KIAA1755: variants seen among roughly 807,000 people sequenced by gnomAD.
KIAA1755 encodes uncharacterized protein KIAA1755.
A neutral mutation model predicts 91.7 loss-of-function variants in KIAA1755; 68 were observed. The ratio of observed to expected loss-of-function variants is 0.74; its 90% CI spans 0.61 to 0.91. The LOEUF is 0.91. Ranked by LOEUF, KIAA1755 falls within the 40% of genes least tolerant of loss-of-function variation. KIAA1755 has a pLI of 0.00. For missense variants in KIAA1755, 1,535 were observed against 1,494.4 expected (o/e 1.03, Z -0.45); for synonymous variants, 610 against 604.6 (o/e 1.01, Z -0.13).
chr20:38,246,118 T>C lies in KIAA1755; in HGVS notation c.12A>G (p.Pro4=), dbSNP rs2076155993. MDP[P]SLDTAIQHAL... The stretch of plus-strand genomic sequence containing the variant: ...CATGCTGGATGGCTGTGTCGAGGGA[T>C]GGAGGGTCCTGTGGGGGACAGGAGG... Residue 4 remains proline (P), a synonymous_variant, in exon 2 of 14, where the codon CCA becomes CCG. Transcript: ENST00000279024. 5 of 1,612,718 alleles carry C rather than the reference T, an allele frequency of 3.1e-6. No individual in the cohort carries two copies. Among genetic ancestry groups the C allele is most frequent in the Non-Finnish European group, 4.2e-6 (5 of 1,179,724 alleles).
intron 13 of KIAA1755, among the ~76,000 whole-genome samples, chr20:38,215,505 C>CT (rs2075529055): frequency 6.6e-6 from 1 of 152,204 alleles, no homozygotes; most frequent in South Asian, 2.1e-4. Flanking sequence ...ACCAGGACAA[C>CT]TTCAGGTCAA....
chr20:38,215,393 G>A (rs1021064382), intron 13 of KIAA1755, among the ~76,000 whole-genome samples: 5 of 152,164 alleles, frequency 3.3e-5, no homozygotes, highest in Admixed American at 1.3e-4. Flanking sequence ...GGCCGAGCCC[G>A]TGCCAGGCAC....
chr20:38,217,436 G>A lies in KIAA1755; in HGVS notation c.2718C>T (p.Ala906=), dbSNP rs751899880. 8 of 1,612,306 alleles carry A rather than the reference G, an allele frequency of 5.0e-6. No individual in the cohort carries two copies. Among genetic ancestry groups the A allele is most frequent in the African/African-American group, 1.3e-5 (1 of 74,884 alleles). ...YRRGLELSKQ[A]AQLGATARGA... ...CTCTGGCTGTAGCTCCCAGCTGAGC[G>A]GCCTGCTTGGACAGCTCCAGGCCTC... The change falls in exon 13 of 14, where the codon GCC becomes GCT. Residue 906 remains alanine, a synonymous_variant. Transcript: ENST00000279024.
At chr20:38,220,966 A>G (rs1275457945) in intron 10 of KIAA1755, among the ~76,000 whole-genome samples, 1 of 152,224 alleles carries the variant, frequency 6.6e-6, no homozygotes, top group Non-Finnish European at 1.5e-5. Flanking sequence ...TATTTGTGTG[A>G]AGGGAGGAAT....
chr20:38,232,558 G>C (rs1414339069), intron 4 of KIAA1755, among the ~76,000 whole-genome samples: 2 of 151,544 alleles, frequency 1.3e-5, no homozygotes, highest in Non-Finnish European at 2.9e-5. Context: ...AACCTGGGAG[G>C]TGGAGCTTGC....
intron 5 of KIAA1755, among the ~76,000 whole-genome samples, chr20:38,230,805 T>C (rs1245384892): frequency 6.6e-6 from 1 of 151,952 alleles, no homozygotes; most frequent in Non-Finnish European, 1.5e-5. Flanking sequence ...GGAGAATCGC[T>C]TGAACCCGGG....
chr20:38,226,870 C>T (rs2123125015), intron 7 of KIAA1755, among the ~76,000 whole-genome samples: 1 of 152,288 alleles, frequency 6.6e-6, no homozygotes, highest in Non-Finnish European at 1.5e-5. Flanking sequence ...TGAAGCTTTT[C>T]AAATAGGTTC....
intron 1 of KIAA1755, among the ~76,000 whole-genome samples, chr20:38,257,579 T>TAAAA (rs1219977631): frequency 2.2e-5 from 2 of 90,168 alleles, no homozygotes; most frequent in Admixed American, 1.3e-4. Context: ...AGACTCCATC[T>TAAAA]AAAAAAAAAA....
In KIAA1755 at chr20:38,219,701, C is replaced by T. The variant is rs2075622050; in HGVS notation, c.2485G>A (p.Ala829Thr). The stretch of plus-strand genomic sequence containing the variant: ...AGCTTCCCCAGGAGGCTGTTGGAAG[C>T]GGTGACCAGAACATGAAGCTGCTCG... ...VDEQLHVLVT[A>T]SNSLLGKLEL... The change falls in exon 11 of 14, where the codon GCT (alanine) becomes ACT (threonine). Residue 829 changes from alanine (A) to threonine (T), a missense_variant. Transcript: ENST00000279024. 6.2e-7 allele frequency: 1 copy of T among 1,614,122 alleles called. No homozygotes were observed. Among genetic ancestry groups the T allele is most frequent in the Non-Finnish European group, 8.5e-7 (1 of 1,180,036 alleles).
intron 4 of KIAA1755, among the ~76,000 whole-genome samples, chr20:38,235,054 T>C (rs2075935399): frequency 6.6e-6 from 1 of 152,056 alleles, no homozygotes; most frequent in Non-Finnish European, 1.5e-5. Flanking sequence ...GCATGAAGAG[T>C]CACTCCAAGT....
At chr20:38,232,985 G>A (rs1254822735) in intron 4 of KIAA1755, among the ~76,000 whole-genome samples, 1 of 152,106 alleles carries the variant, frequency 6.6e-6, no homozygotes, top group Admixed American at 6.6e-5. Context: ...AGCCAGGAGT[G>A]GTGGTGTGTG....
rs771185151 is a variant in KIAA1755, at chr20:38,225,601, A to G, written c.2169+64T>C. The G allele has an allele frequency of 9.1e-6, 9 of 992,128 alleles. No homozygotes were observed. The East Asian group carries it at 2.1e-4, about 24-fold the overall frequency. The allele number at this position is 992,128 out of a possible 1,614,324, so 61.5% of individuals were successfully genotyped here. On this transcript the variant is annotated intron_variant, in intron 8 of 13. Transcript: ENST00000279024. ...AGCAGGGTTGATGGATCCATGGGAC[A>G]GAAGAGTGAAGAGAAGAAGAGAAGG...
At chr20:38,250,791 G>A (rs982346865) in intron 1 of KIAA1755, among the ~76,000 whole-genome samples, 6 of 151,638 alleles carry the variant, frequency 4.0e-5, no homozygotes, top group African/African-American at 1.5e-4. Context: ...TTTTTAATAT[G>A]CAAATGCAGG....
chr20:38,239,807 C>T (rs965990998), intron 3 of KIAA1755, 82 bp from the exon 4 acceptor site: 1 of 1,238,374 alleles, frequency 8.1e-7, no homozygotes, highest in African/African-American at 1.5e-5. Flanking sequence ...CTTTCTCTTT[C>T]TGACTAATAA....
rs756174433 is a variant in KIAA1755, at chr20:38,241,495, G to T, written c.636C>A (p.Ser212Arg). 6.2e-7 allele frequency: 1 copy of T among 1,614,244 alleles called. No individual in the cohort carries two copies. Among genetic ancestry groups the T allele is most frequent in the Admixed American group, 1.7e-5 (1 of 60,024 alleles). ...GPLPLEALDL[S>R]SPQELHQASS... Reference sequence around the variant, plus strand: ...TGGCCTGGTGCAACTCTTGAGGGCTGCTCAAATCCAGTGCCTCTAATGGAA... The same window carrying T: ...TGGCCTGGTGCAACTCTTGAGGGCTTCTCAAATCCAGTGCCTCTAATGGAA... The change falls in exon 3 of 14, where the codon AGC (serine) becomes AGA (arginine). Residue 212 changes from serine to arginine, a missense_variant. Coordinates refer to ENST00000279024, the MANE Select transcript of KIAA1755 (RefSeq NM_001029864.2).
rs115152121 is a variant in KIAA1755 at position 38,246,522 on chromosome 20, G to A, written c.4-396C>T. 1.9e-3 allele frequency among the ~76,000 whole-genome samples: 294 copies of A among 152,250 alleles called. 1 individual carries two copies. Among genetic ancestry groups the A allele is most frequent in the African/African-American group, 6.6e-3 (275 of 41,546 alleles). On this transcript the variant is annotated intron_variant, in intron 1 of 13. Coordinates refer to ENST00000279024, the MANE Select transcript of KIAA1755 (RefSeq NM_001029864.2). ...ATTTTGGCATTGCCCCAGTCTGACCGCCTGGCTGGCCTGCAGGCCTGCAGC... is the reference window on the plus strand; with the variant it reads ...ATTTTGGCATTGCCCCAGTCTGACCACCTGGCTGGCCTGCAGGCCTGCAGC...
intron 1 of KIAA1755, among the ~76,000 whole-genome samples, chr20:38,257,944 G>A (rs1600670107): frequency 6.6e-6 from 1 of 150,652 alleles, no homozygotes; most frequent in Admixed American, 6.6e-5. Context: ...TTGTCCTCCA[G>A]GCTGGAGTGC....
At chr20:38,228,476 T>C (rs1046565098) in intron 5 of KIAA1755, among the ~76,000 whole-genome samples, 1 of 152,236 alleles carries the variant, frequency 6.6e-6, no homozygotes, top group East Asian at 1.9e-4. Flanking sequence ...CCCTCGTTTA[T>C]AGCCCTACTA....
chr20:38,216,975 C>T (rs1204188347), intron 13 of KIAA1755: 1 of 668,568 alleles, frequency 1.5e-6, no homozygotes, highest in Non-Finnish European at 2.8e-6. Flanking sequence ...CTCAGCTCTT[C>T]CCCTTCCTCT....
Sources: allele counts gnomAD v4.1 joint callset (sites outside exome capture counted in the v4.1 genomes callset), GRCh38; gene constraint gnomAD v4.1.1; transcripts MANE v1.5; gene names NCBI Gene and HGNC (gene_info 2026-07-23, HGNC 2026-07-21).